Variants in HDLBP observed in about 807,000 individuals in gnomAD.
HDLBP encodes the protein high density lipoprotein binding protein, also known as vigilin.
HDLBP carries 30 observed loss-of-function variants against 137.3 expected under a neutral mutation model. The ratio of observed to expected loss-of-function variants is 0.22; its 90% CI spans 0.16 to 0.30. HDLBP has a LOEUF of 0.30. HDLBP is among the 10% of genes least tolerant of loss of function. HDLBP has a pLI of 1.00. For missense variants in HDLBP, 1,119 were observed against 1,667.3 expected (o/e 0.67, Z 5.73); for synonymous variants, 606 against 596.0 (o/e 1.02, Z -0.24).
At chr2:241,273,258 G>A in intron 1 of HDLBP, 14 of 983,898 alleles carry the variant, frequency 1.4e-5, no homozygotes, top group Non-Finnish European at 1.6e-5. Flanking sequence ...GGCGGCTCCA[G>A]GGCTTTCATT....
chr2:241,286,167 T>C (rs2074799635), intron 1 of HDLBP, among the ~76,000 whole-genome samples: 1 of 151,508 alleles, frequency 6.6e-6, no homozygotes, highest in African/African-American at 2.4e-5. Context: ...AAGAAGAGAG[T>C]ATGTGGCCAG....
At chr2:241,271,416 G>T (rs1379649406) in intron 1 of HDLBP, among the ~76,000 whole-genome samples, 1 of 152,222 alleles carries the variant, frequency 6.6e-6, no homozygotes, top group Non-Finnish European at 1.5e-5. Flanking sequence ...CCTAATACGT[G>T]TAGAGCAAAA....
chr2:241,253,698 G>A lies in HDLBP; in HGVS notation c.1189-201C>T, dbSNP rs2072388196. On this transcript the variant is annotated intron_variant, in intron 9 of 27. Transcript: ENST00000310931. Reference sequence around the variant, plus strand: ...AGCCATAGTCAGGAAACTAAATACTGTGGCCGAATAATCCTGCCTCTCACT... The same window carrying A: ...AGCCATAGTCAGGAAACTAAATACTATGGCCGAATAATCCTGCCTCTCACT... Among the ~76,000 whole-genome samples the A allele has an allele frequency of 2.0e-5, 3 of 152,138 alleles. No homozygotes were observed. The South Asian group carries it at 6.2e-4, about 32-fold the overall frequency.
At chr2:241,249,292 C>A (rs2071926611) in intron 12 of HDLBP, 2 of 470,712 alleles carry the variant, frequency 4.2e-6, no homozygotes, top group Non-Finnish European at 8.8e-6. Context: ...GGCACTCACG[C>A]AGTATTTGAC....
At chr2:241,304,802 A>G (rs973242218) in intron 1 of HDLBP, among the ~76,000 whole-genome samples, 1 of 152,214 alleles carries the variant, frequency 6.6e-6, no homozygotes, top group African/African-American at 2.4e-5. Flanking sequence ...GAAGCCCCAC[A>G]GACACTCAAA....
At chr2:241,264,086 G>C (rs1354823488) in intron 4 of HDLBP, among the ~76,000 whole-genome samples, 1 of 138,818 alleles carries the variant, frequency 7.2e-6, no homozygotes, top group African/African-American at 2.5e-5. Context: ...AAAACTGGCC[G>C]GGCGCGGTGG....
intron 1 of HDLBP, among the ~76,000 whole-genome samples, chr2:241,293,195 T>C (rs888646957): frequency 1.3e-5 from 2 of 152,052 alleles, no homozygotes; most frequent in Admixed American, 6.6e-5. Flanking sequence ...ACAAAAAGAA[T>C]TGATGAAATA....
intron 1 of HDLBP, among the ~76,000 whole-genome samples, chr2:241,309,851 C>G (rs2075710351): frequency 1.3e-5 from 2 of 152,208 alleles, no homozygotes; most frequent in East Asian, 3.8e-4. Context: ...GGCCACTCAG[C>G]CAGGCAAAGG....
At chr2:241,283,566 C>A (rs1032115925) in intron 1 of HDLBP, among the ~76,000 whole-genome samples, 6 of 151,938 alleles carry the variant, frequency 3.9e-5, no homozygotes, top group African/African-American at 1.5e-4. Flanking sequence ...CCTCTGCCTC[C>A]CAGGTTCACA....
At chr2:241,268,032 T>A in intron 2 of HDLBP, 1 of 888,410 alleles carries the variant, frequency 1.1e-6, no homozygotes, top group Non-Finnish European at 1.3e-6. Context: ...AGCTCCAAAC[T>A]ACTACAGTGA....
chr2:241,238,696 C>T lies in HDLBP; in HGVS notation c.2702G>A (p.Arg901Gln), dbSNP rs771295977. 15 of 1,588,586 alleles carry T rather than the reference C, an allele frequency of 9.4e-6. No individual in the cohort carries two copies. Among genetic ancestry groups the T allele is most frequent in the East Asian group, 2.3e-5 (1 of 44,068 alleles). Reference protein sequence around the residue: ...PKGSRIQQITRDFSVQIKFPD... With the variant: ...PKGSRIQQITQDFSVQIKFPD... ...GAATTTAATTTGAACACTGAAATCC[C>T]GAGTAATCTGCTGGATTCTGGAACC... Residue 901 changes from arginine to glutamine, a missense_variant, in exon 20 of 28, where the codon CGG (arginine) becomes CAG (glutamine). This residue lies in a region of HDLBP where 618 missense variants were observed against 816.7 expected (regional missense o/e 0.76). Transcript: ENST00000310931. The surrounding 1 kb of genome is among the most constrained non-coding windows in gnomAD (Gnocchi z 4.9).
At chr2:241,305,069 A>G (rs2075525480) in intron 1 of HDLBP, among the ~76,000 whole-genome samples, 1 of 152,196 alleles carries the variant, frequency 6.6e-6, no homozygotes, top group South Asian at 2.1e-4. Flanking sequence ...CAGCACTGTA[A>G]GGCAACACAG....
At chr2:241,246,177 G>A (rs989164664) in intron 16 of HDLBP, among the ~76,000 whole-genome samples, 1 of 151,704 alleles carries the variant, frequency 6.6e-6, no homozygotes, top group Non-Finnish European at 1.5e-5. Flanking sequence ...ATAAAGAGTA[G>A]ATGTTATGAT....
At chr2:241,236,954 C>T (rs2070566587) in intron 20 of HDLBP, among the ~76,000 whole-genome samples, 185 bp from the exon 21 acceptor site, 1 of 141,758 alleles carries the variant, frequency 7.1e-6, no homozygotes, top group Non-Finnish European at 1.5e-5. Flanking sequence ...CCCACAGCAG[C>T]CTCAAAGAGG....
chr2:241,234,229 A>G (rs1056122379), intron 23 of HDLBP, among the ~76,000 whole-genome samples: 28 of 152,372 alleles, frequency 1.8e-4, no homozygotes, highest in Middle Eastern at 3.4e-3. Context: ...GATCGTGCTC[A>G]GGAACTGACA....
intron 23 of HDLBP, 63 bp downstream of exon 23, chr2:241,235,058 C>T: frequency 6.3e-7 from 1 of 1,581,604 alleles, no homozygotes; most frequent in Non-Finnish European, 8.6e-7. Context: ...TCCCTAGATT[C>T]TGACATGTGC....
intron 4 of HDLBP, among the ~76,000 whole-genome samples, chr2:241,263,254 G>A (rs1214926184): frequency 6.6e-6 from 1 of 152,248 alleles, no homozygotes; most frequent in African/African-American, 2.4e-5. Context: ...CCGTCCTGAA[G>A]CACGAGGCAG....
chr2:241,257,452 C>T (rs532797138), intron 5 of HDLBP, among the ~76,000 whole-genome samples: 110 of 152,238 alleles, frequency 7.2e-4, no homozygotes, highest in African/African-American at 2.3e-3. Context: ...CCGATGGTCT[C>T]GAATTCCTGA....
In HDLBP at chr2:241,256,819, G is replaced by C. The variant is rs1436758657; in HGVS notation, c.451-13C>G. 1 of 1,604,996 alleles carries C rather than the reference G, an allele frequency of 6.2e-7. No homozygotes were observed. Among genetic ancestry groups the C allele is most frequent in the Non-Finnish European group, 8.5e-7 (1 of 1,172,000 alleles). On this transcript the variant is annotated splice_polypyrimidine_tract_variant and intron_variant, in intron 5 of 27. Transcript: ENST00000310931. Reference sequence around the variant, plus strand: ...CAGTTGCTGAGGCCTATAGCAAGAAGAGAATAAAAGAAAACAAGAATATTT... The same window carrying C: ...CAGTTGCTGAGGCCTATAGCAAGAACAGAATAAAAGAAAACAAGAATATTT...
Sources: allele counts gnomAD v4.1 joint callset (sites outside exome capture counted in the v4.1 genomes callset), GRCh38; gene constraint gnomAD v4.1.1; regional missense constraint gnomAD v4.1.1; non-coding constraint Gnocchi (gnomAD v3.1); transcripts MANE v1.5; gene names NCBI Gene and HGNC (gene_info 2026-07-23, HGNC 2026-07-21).